Variants in DPP6 observed in about 807,000 individuals in gnomAD.
DPP6 encodes A-type potassium channel modulatory protein DPP6.
In DPP6, 69 loss-of-function variants were observed where a neutral mutation model predicts 122.6. The ratio of observed to expected loss-of-function variants is 0.56; its 90% confidence interval spans 0.46 to 0.69. The LOEUF (loss-of-function observed/expected upper bound fraction) is 0.69, where lower values mean the gene tolerates loss of function less well. DPP6 is among the 30% of genes least tolerant of loss of function. The pLI is 0.00. For synonymous variants in DPP6, 418 were observed against 433.1 expected (o/e 0.97, Z 0.43); for missense variants, 928 against 1,116.9 (o/e 0.83, Z 2.41).
chr7:153,941,009 C>T (rs1294757609), intron 1 of DPP6, among the ~76,000 whole-genome samples: 4 of 152,154 alleles, frequency 2.6e-5, no homozygotes, highest in African/African-American at 2.4e-5. Context: ...TGATTGCCTT[C>T]AATAGATCAG....
intron 5 of DPP6, among the ~76,000 whole-genome samples, chr7:154,583,743 C>G (rs76952603): frequency 6.6e-6 from 1 of 152,302 alleles, no homozygotes; most frequent in South Asian, 2.1e-4. Context: ...AAGGCTCCCG[C>G]ATCACATCTC....
intron 1 of DPP6, among the ~76,000 whole-genome samples, chr7:154,373,779 C>T (rs375297959): frequency 4.6e-5 from 7 of 152,220 alleles, no homozygotes; most frequent in African/African-American, 1.2e-4. Flanking sequence ...ATTCAACACG[C>T]GCTCCCCATT....
intron 1 of DPP6, among the ~76,000 whole-genome samples, chr7:154,378,967 C>G (rs541399972): frequency 1.2e-4 from 19 of 152,198 alleles, no homozygotes; most frequent in Non-Finnish European, 1.5e-4. Context: ...AATCACCTCC[C>G]ACCAAGTCCC....
chr7:154,492,973 G>A (rs1029356595), intron 3 of DPP6, among the ~76,000 whole-genome samples: 4 of 152,122 alleles, frequency 2.6e-5, no homozygotes, highest in Non-Finnish European at 4.4e-5. Flanking sequence ...CGAAGCTCCC[G>A]CATCCCTCTT....
chr7:154,089,498 G>A (rs907836257), intron 1 of DPP6, among the ~76,000 whole-genome samples: 1 of 127,512 alleles, frequency 7.8e-6, no homozygotes, highest in Non-Finnish European at 1.7e-5. Flanking sequence ...AATACTAATT[G>A]TCTCACAATA....
At position 154,489,214 on chromosome 7, in the gene DPP6, A is replaced by G. The variant is rs111558219; in HGVS notation, c.457+14177A>G. Among the ~76,000 whole-genome samples the G allele has an allele frequency of 7.3e-3, 1,116 of 152,238 alleles. 14 individuals carry two copies. The highest frequency in any genetic ancestry group is 0.055 in the South Asian group (267 of 4,816). ...ACTTTTCCGTAGCCCCCATTGCCCTAAACTGTTGCCAATAAAGACCAAGTT... is the reference window on the plus strand; with the variant it reads ...ACTTTTCCGTAGCCCCCATTGCCCTGAACTGTTGCCAATAAAGACCAAGTT... On this transcript the variant is annotated intron_variant, in intron 3 of 25. Coordinates refer to ENST00000377770, the MANE Select transcript of DPP6 (RefSeq NM_130797.4).
At chr7:154,365,762 A>G (rs4236459) in intron 1 of DPP6, among the ~76,000 whole-genome samples, 132,800 of 152,044 alleles carry the variant, frequency 0.87, 58,115 homozygotes, top group East Asian at 0.94. Context: ...GACCATCCTG[A>G]CTAACACGCC....
intron 8 of DPP6, 144 bp downstream of exon 8, chr7:154,728,031 T>C: frequency 7.2e-7 from 1 of 1,386,394 alleles, no homozygotes; most frequent in Non-Finnish European, 9.5e-7. Context: ...TAAAAGATTT[T>C]GTTAGAGCTT....
At chr7:154,100,762 A>G (rs1046674808) in intron 1 of DPP6, among the ~76,000 whole-genome samples, 5 of 110,806 alleles carry the variant, frequency 4.5e-5, no homozygotes, top group African/African-American at 9.8e-5. Context: ...GCATCCATCC[A>G]GGAGATTTCC....
At chr7:153,762,382 A>G in the DPP6 span, among the ~76,000 whole-genome samples, 1 of 152,232 alleles carries the variant, frequency 6.6e-6, no homozygotes, top group Non-Finnish European at 1.5e-5. Flanking sequence ...GTGGTGCAAC[A>G]TTCCTTACTT....
intron 1 of DPP6, among the ~76,000 whole-genome samples, chr7:153,902,719 C>T (rs1799689358): frequency 6.6e-6 from 1 of 151,834 alleles, no homozygotes; most frequent in Admixed American, 6.6e-5. Flanking sequence ...GCCTGTAATC[C>T]CAGCTGTTTG....
At chr7:153,784,108 G>C in the DPP6 span, among the ~76,000 whole-genome samples, 1 of 152,090 alleles carries the variant, frequency 6.6e-6, no homozygotes, top group African/African-American at 2.4e-5. Context: ...TTAGTGCTCA[G>C]TAAGTAAATT....
At chr7:154,757,611 G>A (rs1422467337) in intron 8 of DPP6, among the ~76,000 whole-genome samples, 2 of 152,148 alleles carry the variant, frequency 1.3e-5, no homozygotes, top group South Asian at 2.1e-4. Context: ...CCTGATCCAC[G>A]GTAAGATGTT....
chr7:154,443,343 C>T (rs1335082462), intron 1 of DPP6, among the ~76,000 whole-genome samples: 2 of 146,522 alleles, frequency 1.4e-5, no homozygotes, highest in Non-Finnish European at 3.0e-5. Context: ...CACTAGATTA[C>T]AAGAAAAAAA....
At chr7:154,587,363 C>T (rs1832523117) in intron 5 of DPP6, 2 of 481,082 alleles carry the variant, frequency 4.2e-6, no homozygotes, top group South Asian at 2.7e-5. Context: ...TTCCCACTGC[C>T]TTTGCCTTGA....
At chr7:153,904,092 C>G (rs1799747872) in intron 1 of DPP6, among the ~76,000 whole-genome samples, 1 of 152,122 alleles carries the variant, frequency 6.6e-6, no homozygotes, top group Admixed American at 6.6e-5. Flanking sequence ...CACTGTGTTG[C>G]CTAAGCTGGA....
At chr7:154,795,160 C>T (rs1173513746) in intron 11 of DPP6, among the ~76,000 whole-genome samples, 1 of 152,160 alleles carries the variant, frequency 6.6e-6, no homozygotes, top group Non-Finnish European at 1.5e-5. Context: ...CCAACTTCTC[C>T]ATGCCCCTGA....
chr7:154,060,874 A>AG (rs1801745554), intron 1 of DPP6, among the ~76,000 whole-genome samples: 1 of 130,294 alleles, frequency 7.7e-6, no homozygotes, highest in Non-Finnish European at 1.6e-5. Flanking sequence ...CCCACATCAC[A>AG]GAGTGGGGAG....
chr7:154,062,202 G>A lies in DPP6; in HGVS notation c.243+9139G>A, dbSNP rs1467831918. ...TCCTAAGATCCTTAGGACCCACCTG[G>A]AGGACTGCGGGTGTTAGGTGTCCAA... On this transcript the variant is annotated intron_variant, in intron 1 of 25. Coordinates refer to ENST00000377770, the MANE Select transcript of DPP6 (RefSeq NM_130797.4). Among the ~76,000 whole-genome samples, 4 of 102,048 alleles carry A rather than the reference G, an allele frequency of 3.9e-5. 2 individuals are homozygous for A. Among genetic ancestry groups the A allele is most frequent in the Non-Finnish European group, 8.6e-5 (4 of 46,526 alleles). The allele number at this position is 102,048 out of a possible 152,430, so 66.9% of individuals were successfully genotyped here.
Sources: allele counts gnomAD v4.1 joint callset (sites outside exome capture counted in the v4.1 genomes callset), GRCh38; gene constraint gnomAD v4.1.1; transcripts MANE v1.5; gene names NCBI Gene and HGNC (gene_info 2026-07-23, HGNC 2026-07-21).